TAFA2: variants seen among roughly 807,000 people sequenced by gnomAD.
TAFA2 encodes the protein TAFA chemokine like family member 2, also known as chemokine-like protein TAFA-2.
TAFA2 carries 7 observed loss-of-function variants against 18.8 expected under a neutral mutation model. The observed-to-expected ratio is 0.37, with a 90% CI of 0.21 to 0.70. TAFA2 has a LOEUF of 0.70. TAFA2 is among the 30% of genes least tolerant of loss of function. The pLI, the probability that TAFA2 is intolerant of heterozygous loss-of-function variation, is 0.53. For synonymous variants in TAFA2, 60 were observed against 54.2 expected (o/e 1.11, Z -0.47); for missense variants, 122 against 158.1 (o/e 0.77, Z 1.23).
At chr12:61,858,391 T>C (rs191245984) in intron 2 of TAFA2, among the ~76,000 whole-genome samples, 219 of 152,312 alleles carry the variant, frequency 1.4e-3, no homozygotes, top group African/African-American at 4.9e-3. Context: ...AAAATTCTCA[T>C]TTGTACTAAA....
chr12:61,751,434 G>T (rs1345812990), intron 4 of TAFA2, among the ~76,000 whole-genome samples: 1 of 152,000 alleles, frequency 6.6e-6, no homozygotes, highest in Non-Finnish European at 1.5e-5. Flanking sequence ...TACTTTGGTT[G>T]TACTCAAGAA....
In TAFA2 at chr12:62,089,109, C is replaced by T. The variant is rs141391976; in HGVS notation, c.-2+102150G>A. ...AAGGCCAAAATAGAACTTCAGGCCA[C>T]CCTGAAATAACTGTTAAACGAAATT... On this transcript the variant is annotated intron_variant, in intron 1 of 4. Coordinates refer to ENST00000416284, the MANE Select transcript of TAFA2 (RefSeq NM_178539.5). 5.5e-3 allele frequency among the ~76,000 whole-genome samples: 841 copies of T among 152,200 alleles called. 9 individuals carry two copies. Among genetic ancestry groups the T allele is most frequent in the African/African-American group, 0.019 (780 of 41,556 alleles).
intron 2 of TAFA2, among the ~76,000 whole-genome samples, chr12:61,778,359 T>C (rs750030207): frequency 7.9e-5 from 12 of 151,786 alleles, no homozygotes; most frequent in Non-Finnish European, 1.6e-4. Context: ...TACTTCATTA[T>C]ATCCATCTGG....
intron 1 of TAFA2, among the ~76,000 whole-genome samples, chr12:61,894,842 TG>T (rs1875772523): frequency 6.6e-6 from 1 of 152,224 alleles, no homozygotes; most frequent in Non-Finnish European, 1.5e-5. Context: ...AAACTGATAC[TG>T]CTTTTAGAAC....
chr12:61,959,315 T>A (rs1325940658), intron 1 of TAFA2, among the ~76,000 whole-genome samples: 1 of 152,074 alleles, frequency 6.6e-6, no homozygotes, highest in Non-Finnish European at 1.5e-5. Flanking sequence ...CTATGCCTAA[T>A]CCTTTATTCA....
chr12:61,942,344 A>T (rs1444474103), intron 1 of TAFA2, among the ~76,000 whole-genome samples: 29 of 150,136 alleles, frequency 1.9e-4, no homozygotes, highest in Admixed American at 1.9e-3. Flanking sequence ...AAAACCACAA[A>T]GATGGGGAAA....
At chr12:61,861,742 AT>A (rs1874138147) in intron 2 of TAFA2, among the ~76,000 whole-genome samples, 1 of 152,224 alleles carries the variant, frequency 6.6e-6, no homozygotes. Flanking sequence ...CATCTTTAAA[AT>A]TTGGTTATTA....
intron 2 of TAFA2, among the ~76,000 whole-genome samples, chr12:61,819,067 A>G (rs532791857): frequency 1.3e-5 from 2 of 152,176 alleles, no homozygotes; most frequent in East Asian, 3.9e-4. Context: ...TCCCTTCCAT[A>G]TTTTATTGTG....
At chr12:62,053,456 T>C (rs1240001018) in intron 1 of TAFA2, among the ~76,000 whole-genome samples, 2 of 152,226 alleles carry the variant, frequency 1.3e-5, no homozygotes, top group African/African-American at 2.4e-5. Flanking sequence ...AAAATTGTTA[T>C]ATGAATATAA....
chr12:62,129,604 G>C (rs1870601793), intron 1 of TAFA2, among the ~76,000 whole-genome samples: 1 of 151,968 alleles, frequency 6.6e-6, no homozygotes, highest in African/African-American at 2.4e-5. Context: ...CTGTCATCTT[G>C]TAATTTTACT....
chr12:62,195,166 T>G (rs1920094), upstream of TAFA2, among the ~76,000 whole-genome samples: 7 of 152,296 alleles, frequency 4.6e-5, no homozygotes, highest in African/African-American at 1.7e-4. Context: ...CTCTGTAACA[T>G]GCAATGCTGC....
chr12:62,130,815 T>G (rs17657943), intron 1 of TAFA2, among the ~76,000 whole-genome samples: 3,608 of 152,068 alleles, frequency 0.024, 56 homozygotes, highest in Non-Finnish European at 0.036. Flanking sequence ...TGCCTATTTT[T>G]GGACAAGGGT....
intron 1 of TAFA2, among the ~76,000 whole-genome samples, chr12:62,046,022 G>C (rs112261543): frequency 1.3e-5 from 2 of 152,122 alleles, no homozygotes; most frequent in African/African-American, 4.8e-5. Flanking sequence ...TGGTGAAATC[G>C]GAAAGGAGGA....
intron 4 of TAFA2, among the ~76,000 whole-genome samples, chr12:61,731,405 C>A (rs1361667001): frequency 1.3e-5 from 2 of 152,118 alleles, no homozygotes; most frequent in East Asian, 3.9e-4. Flanking sequence ...CAAGTGGGAG[C>A]TGCAAGTTAG....
intron 1 of TAFA2, among the ~76,000 whole-genome samples, chr12:62,257,162 ATGTG>A (rs71450578): frequency 7.9e-5 from 4 of 50,916 alleles, no homozygotes; most frequent in Non-Finnish European, 1.7e-4. Context: ...ATACATATAT[ATGTG>A]TGTGTGTGTG....
chr12:61,957,223 C>T (rs1034940480), intron 1 of TAFA2, among the ~76,000 whole-genome samples: 1 of 152,102 alleles, frequency 6.6e-6, no homozygotes, highest in Non-Finnish European at 1.5e-5. Context: ...TTACCCATCC[C>T]TTTTTTCCTT....
intron 1 of TAFA2, among the ~76,000 whole-genome samples, chr12:62,092,564 A>T (rs1238512510): frequency 2.0e-5 from 3 of 151,676 alleles, no homozygotes; most frequent in African/African-American, 7.3e-5. Flanking sequence ...AGAATACCAA[A>T]CTCATCTGGT....
intron 1 of TAFA2, among the ~76,000 whole-genome samples, chr12:62,015,034 G>C (rs915024011): frequency 6.6e-6 from 1 of 152,166 alleles, no homozygotes; most frequent in Non-Finnish European, 1.5e-5. Context: ...AACTCTTCTA[G>C]TATTACAAAT....
chr12:62,186,072 T>C (rs1247479849), intron 1 of TAFA2, among the ~76,000 whole-genome samples: 3 of 152,238 alleles, frequency 2.0e-5, no homozygotes, highest in Non-Finnish European at 4.4e-5. Context: ...TCTTCTGTTC[T>C]AGTGCCCACT....
Sources: allele counts gnomAD v4.1 joint callset (sites outside exome capture counted in the v4.1 genomes callset), GRCh38; gene constraint gnomAD v4.1.1; transcripts MANE v1.5; gene names NCBI Gene and HGNC (gene_info 2026-07-23, HGNC 2026-07-21).